IMPG1: variants seen among roughly 807,000 people sequenced by gnomAD.
IMPG1 encodes interphotoreceptor matrix proteoglycan of 150 kDa.
A neutral mutation model predicts 92.0 loss-of-function variants in IMPG1; 85 were observed. The observed-to-expected ratio is 0.92, with a 90% confidence interval of 0.78 to 1.11. The LOEUF (loss-of-function observed/expected upper bound fraction) is 1.11, where lower values mean the gene tolerates loss of function less well. IMPG1 is among the 50% of genes least tolerant of loss of function. IMPG1 has a pLI of 0.00. For synonymous variants in IMPG1, 367 were observed against 334.1 expected (o/e 1.10, Z -1.08); for missense variants, 1,022 against 956.0 (o/e 1.07, Z -0.91).
chr6:75,965,647 G>T (rs1582071454), intron 12 of IMPG1, among the ~76,000 whole-genome samples: 1 of 118,322 alleles, frequency 8.5e-6, no homozygotes, highest in East Asian at 2.5e-4. Flanking sequence ...TCGCTCTGTC[G>T]CTCAGGCTGG....
At chr6:75,956,893 G>A (rs189887930) in intron 12 of IMPG1, among the ~76,000 whole-genome samples, 1 of 152,156 alleles carries the variant, frequency 6.6e-6, no homozygotes, top group East Asian at 1.9e-4. Flanking sequence ...TTTCCAGGTA[G>A]TTGTATCATT....
At chr6:76,011,970 T>C (rs1359774140) in intron 7 of IMPG1, among the ~76,000 whole-genome samples, 1 of 152,116 alleles carries the variant, frequency 6.6e-6, no homozygotes, top group Non-Finnish European at 1.5e-5. Flanking sequence ...TTTCTGACTA[T>C]AATTATAACT....
intron 15 of IMPG1, among the ~76,000 whole-genome samples, chr6:75,924,720 A>AAT (rs1554226571): frequency 5.6e-3 from 14 of 2,500 alleles, no homozygotes; most frequent in Non-Finnish European, 0.013. Flanking sequence ...TATAATATAT[A>AAT]ATATAATTAT....
chr6:76,030,124 G>A (rs940069978), intron 4 of IMPG1, among the ~76,000 whole-genome samples: 8 of 152,108 alleles, frequency 5.3e-5, no homozygotes, highest in Non-Finnish European at 1.0e-4. Flanking sequence ...TAATATCTAT[G>A]GTATAAATGA....
At chr6:76,005,603 G>A in intron 9 of IMPG1, 69 bp from the exon 10 acceptor site, 1 of 1,533,228 alleles carries the variant, frequency 6.5e-7, no homozygotes, top group Non-Finnish European at 8.9e-7. Flanking sequence ...AGAATCACTA[G>A]ATTGCTACAA....
intron 12 of IMPG1, among the ~76,000 whole-genome samples, chr6:75,977,435 A>C (rs1782557123): frequency 6.6e-6 from 1 of 151,768 alleles, no homozygotes; most frequent in African/African-American, 2.4e-5. Context: ...TAAAAATACA[A>C]AATTAGCCGG....
At chr6:75,960,958 T>C (rs1355076687) in intron 12 of IMPG1, among the ~76,000 whole-genome samples, 1 of 152,248 alleles carries the variant, frequency 6.6e-6, no homozygotes, top group African/African-American at 2.4e-5. Flanking sequence ...AGTATATAGC[T>C]ATTGTGGTCA....
At chr6:75,995,511 C>T (rs1782883130) in intron 12 of IMPG1, among the ~76,000 whole-genome samples, 1 of 152,194 alleles carries the variant, frequency 6.6e-6, no homozygotes, top group Non-Finnish European at 1.5e-5. Context: ...CCCTTCACCA[C>T]CCCTCCTCAG....
At chr6:76,044,834 G>T (rs918737810) in intron 1 of IMPG1, among the ~76,000 whole-genome samples, 1 of 152,142 alleles carries the variant, frequency 6.6e-6, no homozygotes, top group Admixed American at 6.5e-5. Flanking sequence ...GATCCCTTTG[G>T]ATCCTAACAG....
At chr6:76,063,729 G>A (rs951357534) in intron 1 of IMPG1, among the ~76,000 whole-genome samples, 2 of 152,180 alleles carry the variant, frequency 1.3e-5, no homozygotes, top group South Asian at 4.1e-4. Context: ...GCATTCCCCA[G>A]CATCTGCTAA....
At chr6:75,976,305 C>A (rs1461248166) in intron 12 of IMPG1, among the ~76,000 whole-genome samples, 1 of 152,128 alleles carries the variant, frequency 6.6e-6, no homozygotes, top group Non-Finnish European at 1.5e-5. Flanking sequence ...TGGCTCACAC[C>A]TGTAATCCCA....
At chr6:76,005,886 G>C (rs1014171747) in intron 9 of IMPG1, among the ~76,000 whole-genome samples, 2 of 151,436 alleles carry the variant, frequency 1.3e-5, no homozygotes, top group Non-Finnish European at 2.9e-5. Flanking sequence ...ACCCAGGCTG[G>C]AGTGCATTGG....
chr6:76,063,412 G>A (rs1259617292), intron 1 of IMPG1, among the ~76,000 whole-genome samples: 1 of 151,980 alleles, frequency 6.6e-6, no homozygotes, highest in Non-Finnish European at 1.5e-5. Context: ...AACCCAGAGG[G>A]GCTTGGTATT....
intron 1 of IMPG1, among the ~76,000 whole-genome samples, chr6:76,069,750 A>G (rs1224345171): frequency 6.6e-6 from 1 of 152,168 alleles, no homozygotes; most frequent in African/African-American, 2.4e-5. Context: ...TTGATCAAAA[A>G]AAAAAAAATG....
intron 12 of IMPG1, among the ~76,000 whole-genome samples, chr6:75,956,750 A>C (rs1336482588): frequency 6.6e-6 from 1 of 152,176 alleles, no homozygotes; most frequent in African/African-American, 2.4e-5. Context: ...ATTTCCCTGG[A>C]AACACTGCTT....
In IMPG1 at chr6:75,952,453, C is replaced by A. The variant is rs367760027; in HGVS notation, c.1292-1359G>T. 3.2e-4 allele frequency among the ~76,000 whole-genome samples: 49 copies of A among 152,244 alleles called. No homozygotes were observed. In the East Asian group the frequency reaches 6.8e-3, roughly 21 times the overall value. ...GTTTTATTACTTTCTTAAAATAAAA[C>A]CTGTCTGTTGGTGAGTTATGCCAGA... is the stretch of plus-strand genomic sequence containing the variant. On this transcript the variant is annotated intron_variant, in intron 12 of 16. Coordinates refer to ENST00000369950, the MANE Select transcript of IMPG1 (RefSeq NM_001563.4).
chr6:76,064,228 G>C (rs1266537678), intron 1 of IMPG1, among the ~76,000 whole-genome samples: 2 of 152,154 alleles, frequency 1.3e-5, no homozygotes, highest in African/African-American at 2.4e-5. Flanking sequence ...GTGCCTACCA[G>C]GCTGGGGCTT....
intron 2 of IMPG1, among the ~76,000 whole-genome samples, chr6:76,036,833 C>T (rs1255868127): frequency 8.7e-5 from 2 of 22,900 alleles, no homozygotes; most frequent in Non-Finnish European, 2.3e-4. Context: ...AGATCCAATT[C>T]TAGTTTTATT....
At chr6:75,946,993 C>G (rs1346513800) in intron 14 of IMPG1, among the ~76,000 whole-genome samples, 2 of 152,094 alleles carry the variant, frequency 1.3e-5, no homozygotes, top group Non-Finnish European at 1.5e-5. Context: ...TGTAAATTAG[C>G]TTGGCTGTGG....
Sources: gnomAD v4.1 joint callset for allele counts (sites outside exome capture counted in the v4.1 genomes callset) on GRCh38, gnomAD v4.1.1 for gene constraint, MANE v1.5 for transcripts, NCBI Gene and HGNC (gene_info 2026-07-23, HGNC 2026-07-21) for gene names.